PDE7B: variants seen among roughly 807,000 people sequenced by gnomAD.
PDE7B encodes phosphodiesterase 7B.
A neutral mutation model predicts 56.2 loss-of-function variants in PDE7B; 29 were observed. The observed-to-expected ratio is 0.52, with a 90% CI of 0.38 to 0.70. The LOEUF (loss-of-function observed/expected upper bound fraction) is 0.70. Among genes scored for constraint, PDE7B ranks in the 30% least tolerant of loss-of-function variants. PDE7B has a pLI of 0.00. For missense variants in PDE7B, 490 were observed against 565.0 expected (o/e 0.87, Z 1.35); for synonymous variants, 197 against 196.9 (o/e 1.00, Z 0.00).
chr6:135,978,371 G>T, intron 2 of PDE7B, among the ~76,000 whole-genome samples: 1 of 152,092 alleles, frequency 6.6e-6, no homozygotes, highest in East Asian at 1.9e-4. Flanking sequence ...GTGGATGAGT[G>T]AGTGAGTGAG....
At chr6:135,940,769 G>A (rs1380880611) in intron 1 of PDE7B, among the ~76,000 whole-genome samples, 1 of 152,126 alleles carries the variant, frequency 6.6e-6, no homozygotes, top group East Asian at 1.9e-4. Context: ...CTGCATCTAT[G>A]GCAGTGCTTA....
intron 2 of PDE7B, among the ~76,000 whole-genome samples, chr6:135,981,771 T>C (rs1294014587): frequency 6.6e-6 from 1 of 151,854 alleles, no homozygotes; most frequent in Non-Finnish European, 1.5e-5. Context: ...TAACTCTTTT[T>C]TTTTTTTCAG....
At chr6:135,928,449 T>TTTATTTATATATATATA (rs1774228939) in intron 1 of PDE7B, among the ~76,000 whole-genome samples, 1 of 87,928 alleles carries the variant, frequency 1.1e-5, no homozygotes, top group Non-Finnish European at 2.3e-5. Flanking sequence ...ATATATATAT[T>TTTATTTATATATATATA]TATTTATATA....
chr6:135,945,073 A>AGG (rs756322947), intron 1 of PDE7B, among the ~76,000 whole-genome samples: 52,111 of 151,782 alleles, frequency 0.34, 9,391 homozygotes, highest in Admixed American at 0.49. Context: ...TTTCACTTTA[A>AGG]TCACTTTAAA....
At chr6:136,031,116 A>G (rs1416905800) in intron 2 of PDE7B, among the ~76,000 whole-genome samples, 1 of 152,252 alleles carries the variant, frequency 6.6e-6, no homozygotes, top group East Asian at 1.9e-4. Context: ...GATTGTTTTT[A>G]GAAGTCCTAA....
At chr6:135,872,442 AATC>A (rs1775401904) in intron 1 of PDE7B, among the ~76,000 whole-genome samples, 1 of 152,184 alleles carries the variant, frequency 6.6e-6, no homozygotes, top group Non-Finnish European at 1.5e-5. Context: ...CTGCAAAAAA[AATC>A]ATACAGAAAA....
chr6:136,085,960 C>T (rs76675375), intron 2 of PDE7B, among the ~76,000 whole-genome samples: 2,071 of 152,286 alleles, frequency 0.014, 44 homozygotes, highest in African/African-American at 0.048. Context: ...TTGGATTACT[C>T]ATCCTTAGAA....
At chr6:136,165,029 A>G (rs892462391) in intron 8 of PDE7B, among the ~76,000 whole-genome samples, 25 of 152,200 alleles carry the variant, frequency 1.6e-4, no homozygotes, top group African/African-American at 6.0e-4. Context: ...TGATTTTTGA[A>G]AGTTTAGATA....
At chr6:135,932,779 C>A (rs1774316938) in intron 1 of PDE7B, among the ~76,000 whole-genome samples, 1 of 152,160 alleles carries the variant, frequency 6.6e-6, no homozygotes, top group African/African-American at 2.4e-5. Flanking sequence ...TTCTCTGGCT[C>A]CACTTGTTTA....
intron 2 of PDE7B, chr6:136,046,292 G>C (rs1776505925): frequency 6.6e-6 from 1 of 152,184 alleles, no homozygotes; most frequent in Non-Finnish European, 1.5e-5. Flanking sequence ...TTGTAACAGA[G>C]ATTTCAAGTT....
chr6:136,154,165 A>C lies in PDE7B; in HGVS notation c.569A>C (p.Lys190Thr), dbSNP rs776406458. Residue 190 changes from lysine (K) to threonine (T), a missense_variant, in exon 7 of 13, where the codon AAA becomes ACA. Physicochemically the swap from Lys to Thr is moderately conservative, Grantham distance 78. Transcript: ENST00000308191. ...DVTQAMHCYL[K>T]EPKLASFLTP... is the part of the protein sequence containing the mutation. ...ACCCAGGCCATGCACTGCTACCTGA[A>C]AGAGCCAAAGGTAAGACAAGACCCA... 2.0e-5 allele frequency: 33 copies of C among 1,611,104 alleles called. No homozygotes were observed. In the Middle Eastern group the frequency reaches 8.3e-4, roughly 40 times the overall value.
chr6:135,856,936 A>G (rs1277645786), intron 1 of PDE7B, among the ~76,000 whole-genome samples: 1 of 151,788 alleles, frequency 6.6e-6, no homozygotes, highest in African/African-American at 2.4e-5. Flanking sequence ...CATGCATTTG[A>G]AGTTCCTTCC....
chr6:136,026,123 A>G (rs1035536520), intron 2 of PDE7B, among the ~76,000 whole-genome samples: 1 of 152,204 alleles, frequency 6.6e-6, no homozygotes, highest in African/African-American at 2.4e-5. Context: ...TAACAAGGTA[A>G]AGACTACTCT....
chr6:135,985,488 A>T (rs191667469), intron 2 of PDE7B, among the ~76,000 whole-genome samples: 1 of 152,228 alleles, frequency 6.6e-6, no homozygotes, highest in African/African-American at 2.4e-5. Flanking sequence ...GAGCAAAAAG[A>T]TAAGTCCAAG....
At chr6:135,917,885 C>T (rs150818256) in intron 1 of PDE7B, among the ~76,000 whole-genome samples, 254 of 152,216 alleles carry the variant, frequency 1.7e-3, no homozygotes, top group African/African-American at 5.5e-3. Context: ...AGCTGCATGC[C>T]CAAGGTGTCG....
chr6:135,954,364 T>C lies in PDE7B; in HGVS notation c.82+6840T>C, dbSNP rs974262006. On this transcript the variant is annotated intron_variant, in intron 2 of 12. Coordinates refer to ENST00000308191, the MANE Select transcript of PDE7B (RefSeq NM_018945.4). ...AGTCATCCGGAGTGCATCTCTCGAGTGTGTCAAAGATCGGTTGGCCTAGTA... is the reference window on the plus strand; with the variant it reads ...AGTCATCCGGAGTGCATCTCTCGAGCGTGTCAAAGATCGGTTGGCCTAGTA... Among the ~76,000 whole-genome samples, 3 of 152,142 alleles carry C rather than the reference T, an allele frequency of 2.0e-5. No homozygotes were observed. The East Asian group carries it at 5.8e-4, about 29-fold the overall frequency.
rs976944178 is a variant in PDE7B, at chr6:136,146,849, C to A, written c.167-502C>A. ...CTTCCAAAATTACATTCTGAAACAC[C>A]TTGACATTTTAGTAAATGTAATATA... On this transcript the variant is annotated intron_variant, in intron 3 of 12. Transcript: ENST00000308191. Among the ~76,000 whole-genome samples the A allele has an allele frequency of 6.6e-5, 10 of 152,180 alleles. No homozygotes were observed. In the East Asian group the frequency reaches 1.9e-3, roughly 29 times the overall value.
intron 2 of PDE7B, among the ~76,000 whole-genome samples, chr6:136,008,771 C>CCATTCTGTAGGTTGCCTGTT: frequency 6.6e-6 from 1 of 152,094 alleles, no homozygotes; most frequent in South Asian, 2.1e-4. Flanking sequence ...AAATTTTCTC[C>CCATTCTGTAGGTTGCCTGTT]CATTCTGTAG....
intron 1 of PDE7B, among the ~76,000 whole-genome samples, chr6:135,939,005 G>A (rs1484213682): frequency 6.6e-6 from 1 of 152,208 alleles, no homozygotes; most frequent in Non-Finnish European, 1.5e-5. Context: ...TCTGGAGACC[G>A]CTGCTGCTGG....
Sources: allele counts gnomAD v4.1 joint callset (sites outside exome capture counted in the v4.1 genomes callset), GRCh38; gene constraint gnomAD v4.1.1; transcripts MANE v1.5; gene names NCBI Gene and HGNC (gene_info 2026-07-23, HGNC 2026-07-21).